Variants in ANKRD30B observed in about 807,000 individuals in gnomAD.
The protein encoded by ANKRD30B is ankyrin repeat domain-containing protein 30B.
ANKRD30B carries 144 observed loss-of-function variants against 202.2 expected under a neutral mutation model. The observed-to-expected ratio is 0.71, with a 90% CI of 0.62 to 0.82. ANKRD30B has a LOEUF of 0.82. Ranked by LOEUF, ANKRD30B falls within the 40% of genes least tolerant of loss-of-function variation. ANKRD30B has a pLI of 0.00. For synonymous variants in ANKRD30B, 508 were observed against 561.3 expected (o/e 0.91, Z 1.34); for missense variants, 1,487 against 1,669.1 (o/e 0.89, Z 1.90).
At chr18:14,823,372 T>C (rs1436292528) in intron 32 of ANKRD30B, among the ~76,000 whole-genome samples, 15 of 147,170 alleles carry the variant, frequency 1.0e-4, no homozygotes, top group African/African-American at 3.5e-4. Context: ...CAAATGCTGA[T>C]TGGAATTCTG....
At chr18:14,928,284 A>G in the ANKRD30B span, among the ~76,000 whole-genome samples, 1 of 152,078 alleles carries the variant, frequency 6.6e-6, no homozygotes, top group East Asian at 1.9e-4. Flanking sequence ...TGTTAATTTT[A>G]TGTGTCAGCC....
At chr18:14,828,733 T>C (rs1598689159) in intron 33 of ANKRD30B, among the ~76,000 whole-genome samples, 1 of 152,212 alleles carries the variant, frequency 6.6e-6, no homozygotes, top group African/African-American at 2.4e-5. Context: ...CCATAGAACA[T>C]TGATTAATCC....
intron 11 of ANKRD30B, 65 bp from the exon 12 acceptor site, chr18:14,782,462 T>C (rs1967810175): frequency 8.4e-7 from 1 of 1,190,538 alleles, no homozygotes; most frequent in African/African-American, 1.6e-5. Context: ...AATATTTTAA[T>C]TAGGAATTTT....
chr18:14,881,784 A>C, the ANKRD30B span, among the ~76,000 whole-genome samples: 2 of 150,838 alleles, frequency 1.3e-5, no homozygotes, highest in Non-Finnish European at 3.0e-5. Context: ...TTGCTGCTTG[A>C]TTTATTGGTC....
At chr18:14,939,618 T>C in the ANKRD30B span, among the ~76,000 whole-genome samples, 2 of 152,210 alleles carry the variant, frequency 1.3e-5, no homozygotes, top group African/African-American at 4.8e-5. Flanking sequence ...CCTGGATCAA[T>C]GGCCCACGGG....
intron 24 of ANKRD30B, among the ~76,000 whole-genome samples, chr18:14,805,199 C>T (rs890796429): frequency 3.3e-5 from 5 of 150,672 alleles, no homozygotes; most frequent in Non-Finnish European, 7.4e-5. Context: ...ACCTCATTAG[C>T]GAATAACATG....
At chr18:14,831,992 C>T (rs1012267487) in intron 34 of ANKRD30B, among the ~76,000 whole-genome samples, 1 of 152,034 alleles carries the variant, frequency 6.6e-6, no homozygotes, top group African/African-American at 2.4e-5. Context: ...ATTTTGATAT[C>T]ATGTAGTTTT....
chr18:14,926,284 T>A, the ANKRD30B span, among the ~76,000 whole-genome samples: 1 of 152,246 alleles, frequency 6.6e-6, no homozygotes, highest in Non-Finnish European at 1.5e-5. Context: ...TACAAAAATG[T>A]GACATGAAAA....
the ANKRD30B span, among the ~76,000 whole-genome samples, chr18:14,885,442 G>A: frequency 6.6e-6 from 1 of 152,016 alleles, no homozygotes; most frequent in Non-Finnish European, 1.5e-5. Flanking sequence ...TATGGAGTAA[G>A]ATGCAAAAAT....
intron 9 of ANKRD30B, among the ~76,000 whole-genome samples, chr18:14,777,535 A>G (rs1301561297): frequency 1.3e-5 from 2 of 151,852 alleles, no homozygotes; most frequent in Non-Finnish European, 2.9e-5. Context: ...TGACCTCGTG[A>G]TCCCCCCACC....
chr18:14,771,096 T>C (rs1033998966), intron 8 of ANKRD30B, among the ~76,000 whole-genome samples: 1 of 152,186 alleles, frequency 6.6e-6, no homozygotes, highest in African/African-American at 2.4e-5. Context: ...AACATGCTTA[T>C]GCTGGAGGTG....
the ANKRD30B span, among the ~76,000 whole-genome samples, chr18:14,892,598 G>T: frequency 6.6e-6 from 1 of 151,862 alleles, no homozygotes; most frequent in African/African-American, 2.4e-5. Flanking sequence ...AAATTATCCG[G>T]GTGTGGTGGT....
the ANKRD30B span, among the ~76,000 whole-genome samples, chr18:14,907,204 A>T: frequency 1.3e-5 from 2 of 152,098 alleles, no homozygotes; most frequent in Non-Finnish European, 2.9e-5. Context: ...GGCCTGAACC[A>T]GTTTCTCATG....
chr18:14,806,893 AT>A (rs1969556856), intron 24 of ANKRD30B, among the ~76,000 whole-genome samples: 1 of 150,870 alleles, frequency 6.6e-6, no homozygotes, highest in African/African-American at 2.4e-5. Flanking sequence ...CTATATACGA[AT>A]TTCTGAGGTT....
At chr18:14,904,839 T>G in the ANKRD30B span, among the ~76,000 whole-genome samples, 1 of 152,150 alleles carries the variant, frequency 6.6e-6, no homozygotes, top group Non-Finnish European at 1.5e-5. Flanking sequence ...GGCTTTTGAA[T>G]CAGAGAGACT....
chr18:14,886,223 G>A, the ANKRD30B span, among the ~76,000 whole-genome samples: 2 of 151,926 alleles, frequency 1.3e-5, no homozygotes, highest in East Asian at 3.9e-4. Context: ...GAAAGCATGT[G>A]CCAACTGATC....
the ANKRD30B span, chr18:14,915,495 C>T: frequency 6.6e-6 from 1 of 152,194 alleles, no homozygotes; most frequent in South Asian, 2.1e-4. Flanking sequence ...CTTATGAGGA[C>T]CCATTGCTGT....
chr18:14,884,470 T>G, the ANKRD30B span, among the ~76,000 whole-genome samples: 1 of 151,920 alleles, frequency 6.6e-6, no homozygotes, highest in Non-Finnish European at 1.5e-5. Context: ...TAAGTTTTAA[T>G]TTGTTACACA....
chr18:14,852,778 G>C lies in ANKRD30B; in HGVS notation c.4476+358G>C, dbSNP rs1217271769. Reference sequence around the variant, plus strand: ...ATGGGAATGCCCATATCAGCAATTAGTATTTTGAAATTAAGATTCAGTTCA... The same window carrying C: ...ATGGGAATGCCCATATCAGCAATTACTATTTTGAAATTAAGATTCAGTTCA... On this transcript the variant is annotated intron_variant, in intron 42 of 43. Transcript: ENST00000690538. 1.6e-4 allele frequency: 25 copies of C among 160,862 alleles called. No individual in the cohort carries two copies. In the East Asian group the frequency reaches 3.4e-3, roughly 22 times the overall value. 10.0% of individuals were successfully genotyped at this position (160,862 alleles called of 1,614,324 possible). A position where few individuals can be genotyped will look rare whatever the true frequency, so the allele number is the denominator to read the frequency against.
Sources: gnomAD v4.1 joint callset for allele counts (sites outside exome capture counted in the v4.1 genomes callset) on GRCh38, gnomAD v4.1.1 for gene constraint, MANE v1.5 for transcripts, NCBI Gene and HGNC (gene_info 2026-07-23, HGNC 2026-07-21) for gene names.